DNAAF1: variants seen among roughly 807,000 people sequenced by gnomAD.
The protein encoded by DNAAF1 is dynein axonemal assembly factor 1, also known as dynein assembly factor 1, axonemal.
Under a neutral mutation model 71.1 loss-of-function variants are expected in DNAAF1, and 65 were observed. The observed-to-expected ratio is 0.91, with a 90% confidence interval of 0.75 to 1.12. DNAAF1 has a LOEUF of 1.12. DNAAF1 is among the 50% of genes most tolerant of loss of function. DNAAF1 has a pLI of 0.00. For missense variants in DNAAF1, 1,178 were observed against 899.8 expected (o/e 1.31, Z -3.96); for synonymous variants, 414 against 354.6 (o/e 1.17, Z -1.88).
intron 6 of DNAAF1, 99 bp downstream of exon 6, chr16:84,159,895 A>G (rs2087620972): frequency 9.1e-6 from 13 of 1,429,552 alleles, no homozygotes; most frequent in African/African-American, 1.4e-5. Context: ...GAAATTTCAC[A>G]TATCAAAAAT....
chr16:84,148,582 TTC>T (rs1287215005), intron 1 of DNAAF1, among the ~76,000 whole-genome samples: 35 of 117,508 alleles, frequency 3.0e-4, no homozygotes, highest in African/African-American at 3.9e-4. Context: ...AAGATTACTG[TTC>T]TCTCTCTCTC....
intron 5 of DNAAF1, among the ~76,000 whole-genome samples, chr16:84,157,315 G>C (rs2087485698): frequency 6.6e-6 from 1 of 151,890 alleles, no homozygotes; most frequent in African/African-American, 2.4e-5. Context: ...TTGAGGCCAG[G>C]AGTTTGAGAC....
chr16:84,172,605 G>A (rs968092014), intron 9 of DNAAF1: 10 of 1,358,130 alleles, frequency 7.4e-6, no homozygotes, highest in Non-Finnish European at 8.6e-6. Context: ...GCACATGCAT[G>A]CTCAAGTTTG....
intron 7 of DNAAF1, 88 bp downstream of exon 7, chr16:84,166,037 ATTTTTTTTTTTTTTT>A (rs58906103): frequency 8.3e-6 from 9 of 1,084,242 alleles, no homozygotes; most frequent in Admixed American, 2.3e-5. Context: ...AATCTTGGGA[ATTTTTTTTTTTTTTT>A]TTTTTTTTTT....
intron 2 of DNAAF1, 138 bp downstream of exon 2, chr16:84,149,280 G>T (rs2087070967): frequency 3.5e-6 from 4 of 1,136,828 alleles, no homozygotes; most frequent in Non-Finnish European, 5.2e-6. Context: ...AGTGAGGATG[G>T]CACTGCCTCT....
intron 7 of DNAAF1, 117 bp from the exon 8 acceptor site, chr16:84,169,742 T>A (rs2088224226): frequency 8.2e-6 from 12 of 1,465,486 alleles, no homozygotes; most frequent in Admixed American, 5.1e-5. Context: ...CTTTTTTAAC[T>A]GTGTTCCTGA....
chr16:84,160,349 T>G (rs2087641652), intron 6 of DNAAF1, among the ~76,000 whole-genome samples: 1 of 152,224 alleles, frequency 6.6e-6, no homozygotes, highest in Non-Finnish European at 1.5e-5. Context: ...TTTGAAGTGC[T>G]TCTCTTACCG....
chr16:84,147,045 G>C (rs192454149), intron 1 of DNAAF1, among the ~76,000 whole-genome samples: 2 of 152,288 alleles, frequency 1.3e-5, no homozygotes, highest in East Asian at 1.9e-4. Context: ...CAGCTGGCCA[G>C]CTTTATGGCT....
chr16:84,148,596 C>CTCTCTCTCTTTTTTTTTTTTTTT, intron 1 of DNAAF1, among the ~76,000 whole-genome samples: 6 of 43,576 alleles, frequency 1.4e-4, no homozygotes, highest in African/African-American at 5.5e-4. Flanking sequence ...CTCTCTCTCT[C>CTCTCTCTCTTTTTTTTTTTTTTT]TTTTTTTTTT....
Position 84,145,416 on chromosome 16 carries a change from G to C in DNAAF1, c.-25G>C. ...GAACCTGGGCCCCCCAAAGCTGCGG[G>C]GCGTTCGGTGTCGCCGAAGTAAACA... is the stretch of plus-strand genomic sequence containing the variant. On this transcript the variant is annotated 5_prime_UTR_variant, in exon 1 of 12. Transcript: ENST00000378553. 1 of 1,573,386 alleles carries C rather than the reference G, an allele frequency of 6.4e-7. No individual in the cohort carries two copies. Among genetic ancestry groups the C allele is most frequent in the Non-Finnish European group, 8.6e-7 (1 of 1,159,660 alleles).
intron 9 of DNAAF1, chr16:84,174,304 A>G (rs971524797): frequency 8.7e-7 from 1 of 1,148,792 alleles, no homozygotes; most frequent in Non-Finnish European, 1.1e-6. Context: ...TTACTTTTAT[A>G]CCACATAGAG....
intron 6 of DNAAF1, among the ~76,000 whole-genome samples, chr16:84,164,871 G>A (rs767215601): frequency 2.6e-5 from 4 of 152,102 alleles, no homozygotes; most frequent in African/African-American, 4.8e-5. Flanking sequence ...GTACCATTTC[G>A]CATTCCCACC....
intron 5 of DNAAF1, chr16:84,159,292 T>G: frequency 9.3e-7 from 1 of 1,078,202 alleles, no homozygotes; most frequent in Non-Finnish European, 1.1e-6. Flanking sequence ...GTAAAATGGA[T>G]CCTGGCTGGG....
intron 5 of DNAAF1, chr16:84,159,009 G>C (rs1171497351): frequency 1.8e-5 from 18 of 986,266 alleles, no homozygotes; most frequent in Non-Finnish European, 2.0e-5. Context: ...GAGATTACAG[G>C]AGTGAGCCAC....
intron 10 of DNAAF1, 58 bp from the exon 11 acceptor site, chr16:84,175,875 G>A (rs892187467): frequency 2.5e-5 from 40 of 1,595,830 alleles, no homozygotes; most frequent in Non-Finnish European, 3.2e-5. Flanking sequence ...ATGGTGCATT[G>A]TAGAGCGATT....
intron 3 of DNAAF1, among the ~76,000 whole-genome samples, chr16:84,152,876 G>A (rs1001130689): frequency 6.6e-6 from 1 of 151,512 alleles, no homozygotes; most frequent in Admixed American, 6.6e-5. Flanking sequence ...AGAATCACTT[G>A]AACTCAGGAG....
intron 7 of DNAAF1, among the ~76,000 whole-genome samples, chr16:84,167,479 T>G (rs1196148932): frequency 6.6e-6 from 1 of 152,092 alleles, no homozygotes; most frequent in East Asian, 1.9e-4. Context: ...TTGGTCTCTG[T>G]GCTCCAGAAG....
chr16:84,172,183 A>C, intron 8 of DNAAF1, 77 bp from the exon 9 acceptor site: 9 of 1,393,462 alleles, frequency 6.5e-6, no homozygotes, highest in Non-Finnish European at 8.1e-6. Context: ...GGCCCTTGGG[A>C]GCCCATCTTC....
chr16:84,177,665 C>T, intron 11 of DNAAF1, 64 bp from the exon 12 acceptor site: 1 of 1,426,548 alleles, frequency 7.0e-7, no homozygotes, highest in Non-Finnish European at 9.9e-7. Context: ...AACCCCAAGG[C>T]TGCCCCCCTG....
Sources: allele counts gnomAD v4.1 joint callset (sites outside exome capture counted in the v4.1 genomes callset), GRCh38; gene constraint gnomAD v4.1.1; transcripts MANE v1.5; gene names NCBI Gene and HGNC (gene_info 2026-07-23, HGNC 2026-07-21).